Variants in ARSA observed in about 807,000 individuals in gnomAD.
ARSA encodes arylsulfatase A.
Under a neutral mutation model 37.8 loss-of-function variants are expected in ARSA, and 32 were observed. The ratio of observed to expected loss-of-function variants is 0.85; its 90% CI spans 0.64 to 1.14. The LOEUF is 1.14. ARSA is among the 50% of genes most tolerant of loss of function. The pLI, the probability that ARSA is intolerant of heterozygous loss-of-function variation, is 0.00. For missense variants in ARSA, 685 were observed against 686.3 expected (o/e 1.00, Z 0.02); for synonymous variants, 303 against 303.4 (o/e 1.00, Z 0.01).
Position 50,624,935 on chromosome 22 carries a change from T to C in ARSA, c.*210A>G, listed in dbSNP as rs2146714509. On this transcript the variant is annotated 3_prime_UTR_variant, in exon 8 of 8. Coordinates refer to ENST00000216124, the MANE Select transcript of ARSA (RefSeq NM_000487.6). Reference sequence around the variant, plus strand: ...TGGCTGGGTGATCTTGTACAAGTCCTGAACCTCTCTGCACCTCAGTTTCCT... The same window carrying C: ...TGGCTGGGTGATCTTGTACAAGTCCCGAACCTCTCTGCACCTCAGTTTCCT... 1 of 626,146 alleles carries C rather than the reference T, an allele frequency of 1.6e-6. No individual in the cohort carries two copies. Among genetic ancestry groups the C allele is most frequent in the Non-Finnish European group, 2.7e-6 (1 of 375,768 alleles). 38.8% of individuals were successfully genotyped at this position (626,146 alleles called of 1,614,324 possible). A position where few individuals can be genotyped will look rare whatever the true frequency, so the allele number is the denominator to read the frequency against.
Position 50,625,613 on chromosome 22 carries a change from C to T in ARSA, c.1176G>A (p.Arg392=). 4 of 1,613,692 alleles carry T rather than the reference C, an allele frequency of 2.5e-6. No individual in the cohort carries two copies. The highest frequency in any genetic ancestry group is 3.4e-6 in the Non-Finnish European group (4 of 1,179,972). The change falls in exon 7 of 8, where the codon CGG becomes CGA. Residue 392 remains arginine, a synonymous_variant. Transcript: ENST00000216124. The part of the protein sequence containing the change: ...PDEVRGVFAV[R]TGKYKAHFFT... ...AGAAGTGAGCCTTGTACTTTCCAGT[C>T]CGCACAGCAAAAACCCCACGGACCT...
rs1293641619 is a variant in ARSA, at chr22:50,625,300, T to C, written c.1375A>G (p.Lys459Glu). ...GATPEVLQAL[K>E]QLQLLKAQLD... ...TGGGCCTTGAGCAGCTGAAGCTGTTTCAGGGCTTGCAGCACCTCTGGGGTG... is the reference window on the plus strand; with the variant it reads ...TGGGCCTTGAGCAGCTGAAGCTGTTCCAGGGCTTGCAGCACCTCTGGGGTG... The change falls in exon 8 of 8, where the codon AAA becomes GAA. Residue 459 changes from lysine to glutamate, a missense_variant. Lys to Glu is a moderately conservative substitution (Grantham distance 56, BLOSUM62 1). Transcript: ENST00000216124. 1 of 1,613,020 alleles carries C rather than the reference T, an allele frequency of 6.2e-7. No homozygotes were observed. Among genetic ancestry groups the C allele is most frequent in the Non-Finnish European group, 8.5e-7 (1 of 1,179,938 alleles).
At position 50,626,170 on chromosome 22, in the gene ARSA, T is replaced by C. The variant is rs930585508; in HGVS notation, c.963A>G (p.Pro321=). The C allele has an allele frequency of 3.7e-6, 6 of 1,606,148 alleles. No homozygotes were observed. Among genetic ancestry groups the C allele is most frequent in the Non-Finnish European group, 5.1e-6 (6 of 1,177,182 alleles). Residue 321 remains proline (P), a synonymous_variant, in exon 5 of 8, where the codon CCA becomes CCG. Coordinates refer to ENST00000216124, the MANE Select transcript of ARSA (RefSeq NM_000487.6). ...GVREPALAFW[P]GHIAPGVTHE... is the part of the protein sequence containing the mutation. ...CGGACTGACCGGGAGCGATATGACCTGGCCAGAAGGCCAAGGCAGGCTCTC... is the reference window on the plus strand; with the variant it reads ...CGGACTGACCGGGAGCGATATGACCCGGCCAGAAGGCCAAGGCAGGCTCTC...
rs1252241776 is a variant in ARSA at position 50,624,078 on chromosome 22, T to A, written c.*1067A>T. Among the ~76,000 whole-genome samples the A allele has an allele frequency of 6.6e-6, 1 of 151,924 alleles. No individual in the cohort carries two copies. The highest frequency in any genetic ancestry group is 1.5e-5 in the Non-Finnish European group (1 of 67,970). On this transcript the variant is annotated 3_prime_UTR_variant, in exon 8 of 8. Coordinates refer to ENST00000216124, the MANE Select transcript of ARSA (RefSeq NM_000487.6). ...ATCGCCGTGTGCAGCCTAACAGATT[T>A]TTTGTTTTTTGAGACAGAGTTTTTC...
rs1008448225 is a variant in ARSA, at chr22:50,623,464, G to T, written c.*1681C>A. On this transcript the variant is annotated 3_prime_UTR_variant, in exon 8 of 8. Coordinates refer to ENST00000216124, the MANE Select transcript of ARSA (RefSeq NM_000487.6). ...TGTTTTATTTGTTTATTTGCAGACA[G>T]GGTCTCACTCTGTCCCCGAGGCTGG... 1 of 152,202 alleles carries T rather than the reference G, an allele frequency of 6.6e-6. No individual in the cohort carries two copies. Among genetic ancestry groups the T allele is most frequent in the Non-Finnish European group, 1.5e-5 (1 of 68,048 alleles). The allele number at this position is 152,202 out of a possible 1,614,324, so 9.4% of individuals were successfully genotyped here.
intron 4 of ARSA, 116 bp from the exon 5 acceptor site, chr22:50,626,394 C>A: frequency 6.6e-7 from 1 of 1,521,000 alleles, no homozygotes. Flanking sequence ...CCAGCATGAG[C>A]CCGGCACCTC....
rs199476391 is a variant in ARSA at position 50,625,614 on chromosome 22, C to A, written c.1175G>T (p.Arg392Leu). The A allele has an allele frequency of 6.2e-7, 1 of 1,613,666 alleles. No individual in the cohort carries two copies. The highest frequency in any genetic ancestry group is 1.7e-5 in the Admixed American group (1 of 60,016). The change falls in exon 7 of 8, where the codon CGG becomes CTG. Residue 392 changes from arginine (R) to leucine (L), a missense_variant. Arg to Leu is a moderately radical substitution (Grantham distance 102). Coordinates refer to ENST00000216124, the MANE Select transcript of ARSA (RefSeq NM_000487.6). ...PDEVRGVFAV[R>L]TGKYKAHFFT... ...GAAGTGAGCCTTGTACTTTCCAGTC[C>A]GCACAGCAAAAACCCCACGGACCTC...
chr22:50,627,775 G>T lies in ARSA; in HGVS notation c.5C>A (p.Ser2Tyr). The change falls in exon 1 of 8, where the codon TCC becomes TAC. Residue 2 changes from serine (S) to tyrosine (Y), a missense_variant. Ser to Tyr is a moderately radical substitution (Grantham distance 144). Coordinates refer to ENST00000216124, the MANE Select transcript of ARSA (RefSeq NM_000487.6). ...GAGGAGGGACCGCGGTGCCCCCATG[G>T]ACATGGGACCGAGGGGTCTGTCCCA... is the stretch of plus-strand genomic sequence containing the variant. M[S>Y]MGAPRSLLLA... 4 of 1,544,430 alleles carry T rather than the reference G, an allele frequency of 2.6e-6. No homozygotes were observed. The highest frequency in any genetic ancestry group is 2.6e-6 in the Non-Finnish European group (3 of 1,146,818).
Position 50,627,834 on chromosome 22 carries a change from T to A in ARSA, c.-55A>T. 6.7e-7 allele frequency: 1 copy of A among 1,486,918 alleles called. No homozygotes were observed. Among genetic ancestry groups the A allele is most frequent in the Non-Finnish European group, 9.0e-7 (1 of 1,106,106 alleles). 92.1% of individuals were successfully genotyped at this position (1,486,918 alleles called of 1,614,324 possible). A position where few individuals can be genotyped will look rare whatever the true frequency, so the allele number is the denominator to read the frequency against. ...AGGGCTACTTGGCTCCAGCAGGCTCTTTCCGATACCGCAGACCCAGGCGCC... is the reference window on the plus strand; with the variant it reads ...AGGGCTACTTGGCTCCAGCAGGCTCATTCCGATACCGCAGACCCAGGCGCC... On this transcript the variant is annotated 5_prime_UTR_variant, in exon 1 of 8. In the 5' UTR this introduces an upstream ATG that the reference lacks. Transcript: ENST00000216124.
rs992485433 is a variant in ARSA, at chr22:50,623,157, G to A, written c.*1988C>T. 14 of 152,268 alleles carry A rather than the reference G, an allele frequency of 9.2e-5. No homozygotes were observed. The highest frequency in any genetic ancestry group is 3.1e-4 in the African/African-American group (13 of 41,452). The allele number at this position is 152,268 out of a possible 1,614,324, so 9.4% of individuals were successfully genotyped here. A position where few individuals can be genotyped will look rare whatever the true frequency, so the allele number is the denominator to read the frequency against. On this transcript the variant is annotated 3_prime_UTR_variant, in exon 8 of 8. Transcript: ENST00000216124. ...TTGGCCAACACTGAGGGAGCACCTGGCGTGTGACTGGCCACCTGGGCATGC... is the reference window on the plus strand; with the variant it reads ...TTGGCCAACACTGAGGGAGCACCTGACGTGTGACTGGCCACCTGGGCATGC...
In ARSA at chr22:50,626,267, A is replaced by C; in HGVS notation, c.866T>G (p.Met289Arg). ...IFTADNGPET[M>R]RMSRGGCSGL... ...GGAGCAGCCGCCTCGGGACATACGC[A>C]TGGTCTCAGGTCTGGGACACAGGAG... The change falls in exon 5 of 8, where the codon ATG becomes AGG. Residue 289 changes from methionine to arginine, a missense_variant. Transcript: ENST00000216124. 1.9e-6 allele frequency: 3 copies of C among 1,613,022 alleles called. No individual in the cohort carries two copies. Among genetic ancestry groups the C allele is most frequent in the Non-Finnish European group, 2.5e-6 (3 of 1,179,924 alleles).
rs199476358 is a variant in ARSA at position 50,627,213 on chromosome 22, G to T, written c.418C>A (p.His140Asn). The T allele has an allele frequency of 4.3e-6, 7 of 1,612,002 alleles. No homozygotes were observed. Among genetic ancestry groups the T allele is most frequent in the African/African-American group, 1.3e-5 (1 of 74,852 alleles). Residue 140 changes from histidine to asparagine, a missense_variant, in exon 2 of 8, where the codon CAT (histidine) becomes AAT (asparagine). His to Asn is a moderately conservative substitution (Grantham distance 68). Coordinates refer to ENST00000216124, the MANE Select transcript of ARSA (RefSeq NM_000487.6). ...VGPEGAFLPP[H>N]QGFHRFLGIP... The stretch of plus-strand genomic sequence containing the variant: ...CCTAGAAATCGATGGAAGCCCTGAT[G>T]GGGGGGCAGGAAGGCCCCCTCAGGC...
chr22:50,627,995 AGATTCTCGAGCGGAGATCT>A lies in ARSA; in HGVS notation c.-235_-217del. ...ACTCCTCCAGGACCAGGGCACCTTCAGATTCTCGAGCGGAGATCTGATCCTCCTCGCCTAGCGGTCCGGG... is the reference window on the plus strand; with the variant it reads ...ACTCCTCCAGGACCAGGGCACCTTCAGATCCTCCTCGCCTAGCGGTCCGGG... On this transcript the variant is annotated 5_prime_UTR_variant, in exon 1 of 8. Transcript: ENST00000216124. 3.5e-6 allele frequency: 2 copies of A among 578,628 alleles called. No homozygotes were observed. Among genetic ancestry groups the A allele is most frequent in the South Asian group, 4.2e-5 (2 of 47,546 alleles). 35.8% of individuals were successfully genotyped at this position (578,628 alleles called of 1,614,324 possible).
In ARSA at chr22:50,626,279, C is replaced by T. The variant is rs754898479; in HGVS notation, c.855-1G>A. Reference sequence around the variant, plus strand: ...TCGGGACATACGCATGGTCTCAGGTCTGGGACACAGGAGGCGCTCATGAGC... The same window carrying T: ...TCGGGACATACGCATGGTCTCAGGTTTGGGACACAGGAGGCGCTCATGAGC... On this transcript the variant is annotated splice_acceptor_variant, in intron 4 of 7. Coordinates refer to ENST00000216124, the MANE Select transcript of ARSA (RefSeq NM_000487.6). LOFTEE classifies it high-confidence loss of function. 3.1e-6 allele frequency: 5 copies of T among 1,612,214 alleles called. No homozygotes were observed. Among genetic ancestry groups the T allele is most frequent in the Non-Finnish European group, 4.2e-6 (5 of 1,179,874 alleles).
At position 50,626,166 on chromosome 22, in the gene ARSA, G is replaced by A. The variant is rs920501988; in HGVS notation, c.967C>T (p.His323Tyr). 7 of 1,605,310 alleles carry A rather than the reference G, an allele frequency of 4.4e-6. No individual in the cohort carries two copies. The Admixed American group carries it at 5.2e-5, about 12-fold the overall frequency. ...CCTGCGGACTGACCGGGAGCGATAT[G>A]ACCTGGCCAGAAGGCCAAGGCAGGC... Reference protein sequence around the residue: ...REPALAFWPGHIAPGVTHELA... With the variant: ...REPALAFWPGYIAPGVTHELA... Residue 323 changes from histidine (H) to tyrosine (Y), a missense_variant, in exon 5 of 8, where the codon CAT becomes TAT. Coordinates refer to ENST00000216124, the MANE Select transcript of ARSA (RefSeq NM_000487.6).
rs1473794529 is a variant in ARSA, at chr22:50,623,513, C to T, written c.*1632G>A. 6.6e-6 allele frequency among the ~76,000 whole-genome samples: 1 copy of T among 152,166 alleles called. No individual in the cohort carries two copies. The highest frequency in any genetic ancestry group is 1.5e-5 in the Non-Finnish European group (1 of 68,030). ...GGAGTGCAGTGGTACAATTATAGCT[C>T]ACTACAGCCTCGACCTAGTGGGCTG... is the stretch of plus-strand genomic sequence containing the variant. On this transcript the variant is annotated 3_prime_UTR_variant, in exon 8 of 8. Coordinates refer to ENST00000216124, the MANE Select transcript of ARSA (RefSeq NM_000487.6).
At chr22:50,625,825 A>C in intron 6 of ARSA, 111 bp downstream of exon 6, 2 of 1,532,056 alleles carry the variant, frequency 1.3e-6, no homozygotes, top group Non-Finnish European at 1.8e-6. Context: ...CTTGGATGCC[A>C]CTCAGTGCAG....
rs6151418 is a variant in ARSA, at chr22:50,626,491, C to T, written c.854+100G>A. 7,088 of 1,567,342 alleles carry T rather than the reference C, an allele frequency of 4.5e-3. 258 individuals carry two copies. In the African/African-American group the frequency reaches 0.081, roughly 18 times the overall value. On this transcript the variant is annotated intron_variant, in intron 4 of 7. Coordinates refer to ENST00000216124, the MANE Select transcript of ARSA (RefSeq NM_000487.6). ...CAACGTGGCCAGCATCTCCTGGCAC[C>T]CCCTCACCCACTATGTTCTTGGCAA...
Position 50,623,840 on chromosome 22 carries a change from A to C in ARSA, c.*1305T>G, listed in dbSNP as rs905600964. 1.3e-5 allele frequency: 2 copies of C among 149,072 alleles called. No homozygotes were observed. The highest frequency in any genetic ancestry group is 3.0e-5 in the Non-Finnish European group (2 of 67,302). The allele number at this position is 149,072 out of a possible 1,614,324, so 9.2% of individuals were successfully genotyped here. The stretch of plus-strand genomic sequence containing the variant: ...CTGGAACCCGGGAGGCGGAGGTTGC[A>C]GTGAGCGGAGATGGTACCACTGCAC... On this transcript the variant is annotated 3_prime_UTR_variant, in exon 8 of 8. Coordinates refer to ENST00000216124, the MANE Select transcript of ARSA (RefSeq NM_000487.6).
Sources: allele counts gnomAD v4.1 joint callset (sites outside exome capture counted in the v4.1 genomes callset), GRCh38; gene constraint gnomAD v4.1.1; transcripts MANE v1.5; gene names NCBI Gene and HGNC (gene_info 2026-07-23, HGNC 2026-07-21).